The following GALNT13 variants were observed in gnomAD, a reference collection of about 807,000 sequenced individuals.
GALNT13 encodes the protein polypeptide N-acetylgalactosaminyltransferase 13.
In GALNT13, 28 loss-of-function variants were observed where a neutral mutation model predicts 64.2. That is an observed-to-expected ratio of 0.44 (90% CI 0.32 to 0.60). The LOEUF is 0.60. GALNT13 is among the 20% of genes least tolerant of loss of function. GALNT13 has a pLI of 0.05. For missense variants in GALNT13, 577 were observed against 669.8 expected (o/e 0.86, Z 1.53); for synonymous variants, 214 against 224.6 (o/e 0.95, Z 0.42).
intron 3 of GALNT13, among the ~76,000 whole-genome samples, chr2:153,966,143 T>A (rs1305674229): frequency 6.6e-6 from 1 of 151,788 alleles, no homozygotes; most frequent in African/African-American, 2.4e-5. Flanking sequence ...AAATTCTCCC[T>A]CTTTTCTTTG....
chr2:154,273,778 A>C (rs1376637784), intron 8 of GALNT13, among the ~76,000 whole-genome samples: 1 of 152,152 alleles, frequency 6.6e-6, no homozygotes, highest in East Asian at 1.9e-4. Context: ...CTAATGGTGC[A>C]TTCCTCAAAC....
the GALNT13 span, among the ~76,000 whole-genome samples, chr2:153,532,632 G>T: frequency 1.3e-5 from 2 of 152,200 alleles, no homozygotes; most frequent in East Asian, 3.9e-4. Context: ...AAAATTTTAT[G>T]GTTTGCTTTG....
At chr2:153,568,806 T>G in the GALNT13 span, among the ~76,000 whole-genome samples, 447 of 152,278 alleles carry the variant, frequency 2.9e-3, 2 homozygotes, top group African/African-American at 9.6e-3. Flanking sequence ...ATACTCCTAA[T>G]TTGTGGTATT....
chr2:154,194,707 A>AT (rs1285878587), intron 4 of GALNT13, among the ~76,000 whole-genome samples: 1 of 152,040 alleles, frequency 6.6e-6, no homozygotes, highest in Non-Finnish European at 1.5e-5. Flanking sequence ...GCTTCATATG[A>AT]TTTTATCTCA....
At chr2:153,779,787 T>C in the GALNT13 span, among the ~76,000 whole-genome samples, 1 of 152,152 alleles carries the variant, frequency 6.6e-6, no homozygotes, top group African/African-American at 2.4e-5. Flanking sequence ...CTAAACGGGT[T>C]CCAATTTTTC....
At chr2:153,475,106 G>A in the GALNT13 span, among the ~76,000 whole-genome samples, 9 of 152,200 alleles carry the variant, frequency 5.9e-5, no homozygotes, top group Non-Finnish European at 1.3e-4. Flanking sequence ...GGAGTGGTGT[G>A]GCCCCAGAAA....
intron 4 of GALNT13, among the ~76,000 whole-genome samples, chr2:154,187,369 A>AAC (rs10578569): frequency 0.11 from 14,891 of 140,128 alleles, 814 homozygotes; most frequent in Middle Eastern, 0.15. Flanking sequence ...GATAGGAGAA[A>AAC]ACACACACAC....
chr2:153,629,022 G>A, the GALNT13 span, among the ~76,000 whole-genome samples: 1 of 152,192 alleles, frequency 6.6e-6, no homozygotes, highest in Admixed American at 6.5e-5. Context: ...CACAATTTCA[G>A]AGCCTGTTAT....
intron 3 of GALNT13, among the ~76,000 whole-genome samples, chr2:154,115,838 C>T (rs1703267318): frequency 6.6e-6 from 1 of 152,184 alleles, no homozygotes; most frequent in East Asian, 1.9e-4. Context: ...ATCATTATCT[C>T]ACACCCTTAA....
chr2:153,163,761 T>C, the GALNT13 span, among the ~76,000 whole-genome samples: 15 of 152,308 alleles, frequency 9.8e-5, no homozygotes, highest in Non-Finnish European at 1.8e-4. Context: ...GGCTCAAGCC[T>C]GTAATCCCAG....
intron 2 of GALNT13, among the ~76,000 whole-genome samples, chr2:153,932,479 T>C (rs963280679): frequency 1.3e-5 from 2 of 152,050 alleles, no homozygotes; most frequent in Non-Finnish European, 2.9e-5. Flanking sequence ...ATGTTACTTC[T>C]TTGTTTTTCT....
intron 4 of GALNT13, among the ~76,000 whole-genome samples, chr2:154,194,330 A>C (rs534032389): frequency 6.6e-6 from 1 of 152,192 alleles, no homozygotes; most frequent in Non-Finnish European, 1.5e-5. Flanking sequence ...ATTAATGTAG[A>C]TATCTCAAAT....
intron 3 of GALNT13, among the ~76,000 whole-genome samples, chr2:154,136,496 G>A (rs944236048): frequency 6.6e-6 from 1 of 152,026 alleles, no homozygotes; most frequent in Non-Finnish European, 1.5e-5. Context: ...ATAAGAAAAT[G>A]TTCACAATGT....
At chr2:153,361,195 C>G in the GALNT13 span, among the ~76,000 whole-genome samples, 1 of 152,116 alleles carries the variant, frequency 6.6e-6, no homozygotes, top group Non-Finnish European at 1.5e-5. Context: ...AATGTCCCCA[C>G]AAAAACCACA....
chr2:153,757,651 C>T, the GALNT13 span, among the ~76,000 whole-genome samples: 1 of 152,118 alleles, frequency 6.6e-6, no homozygotes, highest in Non-Finnish European at 1.5e-5. Flanking sequence ...CACTTGTTAT[C>T]TTTCATCTTT....
At chr2:154,024,596 AT>A (rs1039646375) in intron 3 of GALNT13, among the ~76,000 whole-genome samples, 2 of 150,814 alleles carry the variant, frequency 1.3e-5, no homozygotes, top group African/African-American at 4.9e-5. Context: ...CATTTGTCTA[AT>A]TTTTTTTTCA....
the GALNT13 span, among the ~76,000 whole-genome samples, chr2:153,211,743 A>G: frequency 7.0e-3 from 1,062 of 152,242 alleles, 19 homozygotes; most frequent in African/African-American, 0.024. Context: ...AGCTGGTAAT[A>G]CTGGTGTTCA....
intron 3 of GALNT13, among the ~76,000 whole-genome samples, chr2:153,988,067 T>TACAC (rs1220353008): frequency 1.0e-4 from 15 of 142,884 alleles, no homozygotes; most frequent in African/African-American, 3.7e-4. Context: ...CATATATATA[T>TACAC]ATATATACAC....
At chr2:154,035,696 A>G (rs920186014) in intron 3 of GALNT13, among the ~76,000 whole-genome samples, 2 of 152,070 alleles carry the variant, frequency 1.3e-5, no homozygotes, top group Non-Finnish European at 2.9e-5. Flanking sequence ...ACCTCTGATT[A>G]ATATTTGTTG....
Sources: gnomAD v4.1 joint callset for allele counts (sites outside exome capture counted in the v4.1 genomes callset) on GRCh38, gnomAD v4.1.1 for gene constraint, MANE v1.5 for transcripts, NCBI Gene and HGNC (gene_info 2026-07-23, HGNC 2026-07-21) for gene names.